ZNF782: variants seen among roughly 807,000 people sequenced by gnomAD.
The protein encoded by ZNF782 is zinc finger protein 782.
Under a neutral mutation model 13.0 loss-of-function variants are expected in ZNF782, and 12 were observed. That is an observed-to-expected ratio of 0.92 (90% CI 0.59 to 1.50). The LOEUF (loss-of-function observed/expected upper bound fraction) is 1.50, where lower values mean the gene tolerates loss of function less well. ZNF782 is among the 40% of genes most tolerant of loss of function. The pLI, the probability that ZNF782 is intolerant of heterozygous loss-of-function variation, is 0.00. For missense variants in ZNF782, 770 were observed against 822.9 expected, an observed-to-expected ratio of 0.94 and a Z score of 0.79; for synonymous variants, 284 against 283.0, an observed-to-expected ratio of 1.00 and a Z score of -0.04.
At chr9:96,874,619 G>A (rs1851870752) in intron 1 of ZNF782, among the ~76,000 whole-genome samples, 1 of 152,186 alleles carries the variant, frequency 6.6e-6, no homozygotes, top group East Asian at 1.9e-4. Flanking sequence ...CATTCTGGCG[G>A]GTGGATCAAG....
intron 4 of ZNF782, among the ~76,000 whole-genome samples, chr9:96,832,541 T>C (rs781167126): frequency 2.8e-4 from 43 of 152,176 alleles, no homozygotes; most frequent in Non-Finnish European, 5.4e-4. Context: ...CAATAAACTC[T>C]TAGTTTCCCT....
chr9:96,825,260 C>T (rs1850577738), intron 5 of ZNF782, among the ~76,000 whole-genome samples: 3 of 148,662 alleles, frequency 2.0e-5, no homozygotes, highest in African/African-American at 7.4e-5. Flanking sequence ...CGCATATCTA[C>T]AACTATCTGA....
Position 96,818,272 on chromosome 9 carries a change from T to A in ZNF782, c.1751A>T (p.His584Leu), listed in dbSNP as rs777610500. The A allele has an allele frequency of 6.2e-7, 1 of 1,613,384 alleles. No homozygotes were observed. Among genetic ancestry groups the A allele is most frequent in the Non-Finnish European group, 8.5e-7 (1 of 1,179,456 alleles). The change falls in exon 6 of 6, where the codon CAT (histidine) becomes CTT (leucine). Residue 584 changes from histidine to leucine, a missense_variant. Transcript: ENST00000481138. ...ACATTGATAGGGTTTCTCCCCAGTA[T>A]GAGTTCTGTGATGTACTCTGAGGTT... is the stretch of plus-strand genomic sequence containing the variant. Reference protein sequence around the residue: ...KSNLRVHHRTHTGEKPYQCEE... With the variant: ...KSNLRVHHRTLTGEKPYQCEE...
rs934694202 is a variant in ZNF782 at position 96,850,574 on chromosome 9, C to T, written c.15+1373G>A. 6.6e-6 allele frequency among the ~76,000 whole-genome samples: 1 copy of T among 152,056 alleles called. No individual in the cohort carries two copies. The highest frequency in any genetic ancestry group is 1.5e-5 in the Non-Finnish European group (1 of 68,002). On this transcript the variant is annotated intron_variant, in intron 3 of 5. Coordinates refer to ENST00000481138, the MANE Select transcript of ZNF782 (RefSeq NM_001001662.3). This position sits in a 1 kb window ranked among gnomAD's most constrained non-coding sequence, Gnocchi z 4.3. ...GCACAATGTACACTACTTGTCAGACCACGGGTGAACTAAAATCTCAGAATT... is the reference window on the plus strand; with the variant it reads ...GCACAATGTACACTACTTGTCAGACTACGGGTGAACTAAAATCTCAGAATT...
chr9:96,925,798 G>A, the ZNF782 span, among the ~76,000 whole-genome samples: 28 of 149,608 alleles, frequency 1.9e-4, no homozygotes, highest in African/African-American at 7.0e-4. Context: ...ACGGCCTAGG[G>A]CCTCAAGTGC....
At chr9:96,874,741 C>G (rs1851872381) in intron 1 of ZNF782, among the ~76,000 whole-genome samples, 1 of 152,146 alleles carries the variant, frequency 6.6e-6, no homozygotes, top group African/African-American at 2.4e-5. Flanking sequence ...ATTCCTGTTC[C>G]CAGTGGCCCC....
chr9:96,932,654 T>C, the ZNF782 span, among the ~76,000 whole-genome samples: 1 of 105,378 alleles, frequency 9.5e-6, no homozygotes, highest in African/African-American at 5.0e-5. Flanking sequence ...AATCCTTAAT[T>C]TTTTTTTTTT....
At chr9:96,843,953 T>A (rs1851265402) in intron 4 of ZNF782, among the ~76,000 whole-genome samples, 1 of 151,998 alleles carries the variant, frequency 6.6e-6, no homozygotes, top group Non-Finnish European at 1.5e-5. Flanking sequence ...GAAACAAAAA[T>A]GAGCTAAAGA....
In ZNF782 at chr9:96,827,080, C is replaced by G. The variant is rs1563998681; in HGVS notation, c.244G>C (p.Glu82Gln). ...CTTCTTGTTGAATTCAGTAACTCACCTGGGGAGTTCCTGCTTAGAAATCCT... is the reference window on the plus strand; with the variant it reads ...CTTCTTGTTGAATTCAGTAACTCACGTGGGGAGTTCCTGCTTAGAAATCCT... The part of the protein sequence containing the change: ...EKGFLSRNSP[E>Q]DSQPDEISEK... The change falls in exon 5 of 6, where the codon GAA becomes CAA. Residue 82 changes from glutamate to glutamine, a missense_variant and splice_region_variant. Glu to Gln is a conservative substitution (Grantham distance 29, BLOSUM62 2). Transcript: ENST00000481138. 4 of 1,604,670 alleles carry G rather than the reference C, an allele frequency of 2.5e-6. No homozygotes were observed. The highest frequency in any genetic ancestry group is 2.6e-6 in the Non-Finnish European group (3 of 1,174,022).
the ZNF782 span, among the ~76,000 whole-genome samples, chr9:96,901,397 G>A: frequency 9.6e-5 from 14 of 145,516 alleles, no homozygotes; most frequent in African/African-American, 3.1e-4. Flanking sequence ...TCAGCCTCCC[G>A]AGTAACTGGG....
the ZNF782 span, among the ~76,000 whole-genome samples, chr9:96,909,809 A>C: frequency 9.2e-5 from 14 of 151,908 alleles, no homozygotes; most frequent in South Asian, 8.4e-4. Flanking sequence ...AGCTTGCTAA[A>C]CCCAAAACAG....
intron 1 of ZNF782, among the ~76,000 whole-genome samples, chr9:96,863,306 T>A (rs1045780089): frequency 6.6e-6 from 1 of 151,072 alleles, no homozygotes; most frequent in Admixed American, 6.6e-5. Flanking sequence ...AAAACCACAA[T>A]GTGATACGAC....
At chr9:96,853,526 T>TA (rs761096792) in intron 1 of ZNF782, among the ~76,000 whole-genome samples, 15 of 152,262 alleles carry the variant, frequency 9.9e-5, no homozygotes, top group Admixed American at 2.0e-4. Flanking sequence ...ATCTGACTCT[T>TA]AGAATTCTTT....
intron 4 of ZNF782, among the ~76,000 whole-genome samples, chr9:96,828,749 G>C (rs1358325658): frequency 6.6e-6 from 1 of 152,122 alleles, no homozygotes; most frequent in East Asian, 1.9e-4. Context: ...AGAAAAAAAG[G>C]AAAGGGAGAG....
the ZNF782 span, among the ~76,000 whole-genome samples, chr9:96,886,245 T>C: frequency 1.3e-5 from 2 of 149,196 alleles, no homozygotes; most frequent in African/African-American, 4.9e-5. Flanking sequence ...CCCAGAATTC[T>C]ACATCCAGTG....
At chr9:96,892,911 A>G in the ZNF782 span, 2 of 152,034 alleles carry the variant, frequency 1.3e-5, no homozygotes, top group African/African-American at 4.8e-5. Context: ...TTTAACCTGA[A>G]AAGTATAATT....
the ZNF782 span, among the ~76,000 whole-genome samples, chr9:96,902,401 G>T: frequency 8.6e-6 from 1 of 116,222 alleles, no homozygotes; most frequent in Admixed American, 9.2e-5. Flanking sequence ...TCCAGACTGG[G>T]CAAGAGTGAA....
Position 96,854,478 on chromosome 9 carries a change from G to C in ZNF782, c.-652C>G, listed in dbSNP as rs922144981. The C allele has an allele frequency of 4.6e-5, 7 of 152,254 alleles. No individual in the cohort carries two copies. The highest frequency in any genetic ancestry group is 7.3e-5 in the Non-Finnish European group (5 of 68,088). 9.4% of individuals were successfully genotyped at this position (152,254 alleles called of 1,614,324 possible). A position where few individuals can be genotyped will look rare whatever the true frequency, so the allele number is the denominator to read the frequency against. On this transcript the variant is annotated 5_prime_UTR_variant, in exon 1 of 6. Transcript: ENST00000481138. ...CCCCGAGCTTCCCAAACCGCTTCCCGGGAGTCTCGAGAACCCAAATGAGGA... is the reference window on the plus strand; with the variant it reads ...CCCCGAGCTTCCCAAACCGCTTCCCCGGAGTCTCGAGAACCCAAATGAGGA...
the ZNF782 span, among the ~76,000 whole-genome samples, chr9:96,932,653 T>A: frequency 1.0e-5 from 1 of 100,294 alleles, no homozygotes; most frequent in Non-Finnish European, 2.0e-5. Flanking sequence ...CAATCCTTAA[T>A]TTTTTTTTTT....
Sources: allele counts gnomAD v4.1 joint callset (sites outside exome capture counted in the v4.1 genomes callset), GRCh38; gene constraint gnomAD v4.1.1; non-coding constraint Gnocchi (gnomAD v3.1); transcripts MANE v1.5; gene names NCBI Gene and HGNC (gene_info 2026-07-23, HGNC 2026-07-21).